The following CDC42SE2 variants were observed in gnomAD, a reference collection of about 807,000 sequenced individuals.
CDC42SE2 encodes the protein CDC42 small effector 2.
A neutral mutation model predicts 11.5 loss-of-function variants in CDC42SE2; 3 were observed. The ratio of observed to expected loss-of-function variants is 0.26; its 90% CI spans 0.12 to 0.67. The LOEUF (loss-of-function observed/expected upper bound fraction) is 0.67. Ranked by LOEUF, CDC42SE2 falls within the 30% of genes least tolerant of loss-of-function variation. The pLI, the probability that CDC42SE2 is intolerant of heterozygous loss-of-function variation, is 0.80. For missense variants in CDC42SE2, 82 were observed against 106.8 expected (o/e 0.77, Z 1.02); for synonymous variants, 33 against 34.8 (o/e 0.95, Z 0.18).
At chr5:131,312,626 G>A (rs1264425851) in intron 1 of CDC42SE2, among the ~76,000 whole-genome samples, 1 of 152,212 alleles carries the variant, frequency 6.6e-6, no homozygotes, top group Non-Finnish European at 1.5e-5. Context: ...AGCCAGGCGC[G>A]GGATATAATC....
intron 3 of CDC42SE2, among the ~76,000 whole-genome samples, chr5:131,367,700 C>T (rs1052348602): frequency 3.3e-5 from 5 of 152,152 alleles, no homozygotes; most frequent in African/African-American, 1.2e-4. Flanking sequence ...TATTCATAGA[C>T]TTCCCTCTTA....
In CDC42SE2 at chr5:131,391,070, C is replaced by T. The variant is rs143328559; in HGVS notation, c.234C>T (p.Leu78=). The T allele has an allele frequency of 1.6e-4, 250 of 1,612,618 alleles. No individual in the cohort carries two copies. In the African/African-American group the frequency reaches 2.4e-3, roughly 16 times the overall value. The change falls in exon 5 of 5, where the codon CTC becomes CTT. Residue 78 remains leucine (L), a synonymous_variant. Transcript: ENST00000505065. ...GGMPANVQMQ[L]VDTKAG The stretch of plus-strand genomic sequence containing the variant: ...TGCCTGCCAATGTCCAGATGCAGCT[C>T]GTGGATACGAAGGCGGGATAGCCCT...
chr5:131,272,301 G>A (rs1001308381), intron 1 of CDC42SE2, among the ~76,000 whole-genome samples: 3 of 151,930 alleles, frequency 2.0e-5, no homozygotes, highest in Admixed American at 2.0e-4. Flanking sequence ...GATTACAAGC[G>A]TGAGCCACTG....
the CDC42SE2 span, among the ~76,000 whole-genome samples, chr5:131,234,052 G>GA: frequency 3.3e-5 from 5 of 151,356 alleles, no homozygotes; most frequent in East Asian, 7.7e-4. Context: ...ATATGTGCAA[G>GA]AAAAAAAAAT....
chr5:131,338,240 G>A (rs1252114241), intron 2 of CDC42SE2, among the ~76,000 whole-genome samples: 1 of 152,228 alleles, frequency 6.6e-6, no homozygotes, highest in Non-Finnish European at 1.5e-5. Context: ...ACCAGCACAT[G>A]GCAGTCCTGT....
intron 2 of CDC42SE2, among the ~76,000 whole-genome samples, chr5:131,344,992 T>C (rs1245860455): frequency 6.6e-6 from 1 of 152,124 alleles, no homozygotes; most frequent in Non-Finnish European, 1.5e-5. Flanking sequence ...CAAAACCCCA[T>C]CTGTACGTCA....
chr5:131,312,514 C>T lies in CDC42SE2; in HGVS notation c.-454-3462C>T, dbSNP rs567235136. Among the ~76,000 whole-genome samples the T allele has an allele frequency of 3.9e-3, 593 of 152,306 alleles. 2 individuals are homozygous for T. Among genetic ancestry groups the T allele is most frequent in the Non-Finnish European group, 5.8e-3 (397 of 68,026 alleles). ...CTTTGTTTACCTAAGCAAGCCTGGG[C>T]AATGGTGGGTGCCCCTCCCCCAGCC... On this transcript the variant is annotated intron_variant, in intron 1 of 4. Transcript: ENST00000505065.
chr5:131,333,673 G>A (rs1003411161), intron 2 of CDC42SE2, among the ~76,000 whole-genome samples: 12 of 152,034 alleles, frequency 7.9e-5, no homozygotes, highest in Non-Finnish European at 1.6e-4. Flanking sequence ...TCCTTGAAGA[G>A]GTCCTTCACA....
At chr5:131,277,194 T>C (rs139135738) in intron 1 of CDC42SE2, among the ~76,000 whole-genome samples, 2 of 152,352 alleles carry the variant, frequency 1.3e-5, no homozygotes, top group East Asian at 3.9e-4. Flanking sequence ...TGAATTCATA[T>C]GTTAGCATTT....
At chr5:131,386,210 C>G (rs1750479995) in intron 4 of CDC42SE2, among the ~76,000 whole-genome samples, 1 of 152,178 alleles carries the variant, frequency 6.6e-6, no homozygotes, top group Non-Finnish European at 1.5e-5. Flanking sequence ...CAACCAAATC[C>G]TTGCATGTGC....
intron 1 of CDC42SE2, among the ~76,000 whole-genome samples, chr5:131,284,317 A>G (rs1158039656): frequency 6.6e-6 from 1 of 152,192 alleles, no homozygotes; most frequent in African/African-American, 2.4e-5. Context: ...ATTTTTAACA[A>G]AAAAGAGTCG....
chr5:131,380,152 T>G (rs1163232578), intron 3 of CDC42SE2, among the ~76,000 whole-genome samples: 1 of 151,996 alleles, frequency 6.6e-6, no homozygotes, highest in Non-Finnish European at 1.5e-5. Flanking sequence ...ACAGGTGGTG[T>G]TTGGTTACAT....
chr5:131,352,740 G>A (rs985686192), intron 2 of CDC42SE2, among the ~76,000 whole-genome samples: 1 of 152,186 alleles, frequency 6.6e-6, no homozygotes, highest in African/African-American at 2.4e-5. Flanking sequence ...GACGGATTTA[G>A]TGCTGCTACA....
At chr5:131,354,585 T>TGTC (rs1469432354) in intron 2 of CDC42SE2, 1 of 152,254 alleles carries the variant, frequency 6.6e-6, no homozygotes, top group Non-Finnish European at 1.5e-5. Flanking sequence ...TGCCTGAAGC[T>TGTC]GTCATTCATT....
intron 2 of CDC42SE2, among the ~76,000 whole-genome samples, chr5:131,336,644 A>G (rs571131677): frequency 2.0e-5 from 3 of 152,200 alleles, no homozygotes; most frequent in African/African-American, 7.2e-5. Context: ...ACATAGTCCC[A>G]TATTTCTTGG....
chr5:131,352,151 A>G (rs1459222533), intron 2 of CDC42SE2, among the ~76,000 whole-genome samples: 1 of 152,228 alleles, frequency 6.6e-6, no homozygotes, highest in Non-Finnish European at 1.5e-5. Flanking sequence ...AAGAGTTGGT[A>G]GGATAAGGAA....
Position 131,359,324 on chromosome 5 carries a change from A to T in CDC42SE2, c.-170A>T. 1.6e-6 allele frequency: 1 copy of T among 637,466 alleles called. No individual in the cohort carries two copies. The highest frequency in any genetic ancestry group is 1.9e-5 in the South Asian group (1 of 53,260). The allele number at this position is 637,466 out of a possible 1,614,324, so 39.5% of individuals were successfully genotyped here. A position where few individuals can be genotyped will look rare whatever the true frequency, so the allele number is the denominator to read the frequency against. On this transcript the variant is annotated 5_prime_UTR_variant, in exon 3 of 5. Transcript: ENST00000505065. Reference sequence around the variant, plus strand: ...AAGGAAACAATCCAAATTTTTCTTTATTAAATCGACTGTGTAAGATACTTG... The same window carrying T: ...AAGGAAACAATCCAAATTTTTCTTTTTTAAATCGACTGTGTAAGATACTTG...
intron 1 of CDC42SE2, among the ~76,000 whole-genome samples, chr5:131,311,277 C>T (rs1757905421): frequency 6.6e-6 from 1 of 151,376 alleles, no homozygotes; most frequent in African/African-American, 2.4e-5. Flanking sequence ...GGCCCACACT[C>T]TCTTCTGGCT....
chr5:131,280,192 C>G (rs1160295310), intron 1 of CDC42SE2, among the ~76,000 whole-genome samples: 9 of 152,202 alleles, frequency 5.9e-5, no homozygotes, highest in African/African-American at 2.2e-4. Flanking sequence ...GTCTACATTT[C>G]TTACCCTTTA....
Sources: allele counts gnomAD v4.1 joint callset (sites outside exome capture counted in the v4.1 genomes callset), GRCh38; gene constraint gnomAD v4.1.1; transcripts MANE v1.5; gene names NCBI Gene and HGNC (gene_info 2026-07-23, HGNC 2026-07-21).